The following HTR1F variants were observed in gnomAD, a reference collection of about 807,000 sequenced individuals.
HTR1F encodes 5-hydroxytryptamine receptor 1F.
Under a neutral mutation model 24.0 loss-of-function variants are expected in HTR1F, and 17 were observed. The observed-to-expected ratio is 0.71, with a 90% CI of 0.48 to 1.06. The LOEUF (loss-of-function observed/expected upper bound fraction) is 1.06. Ranked by LOEUF, HTR1F falls within the 50% of genes least tolerant of loss-of-function variation. HTR1F has a pLI of 0.00. For missense variants in HTR1F, 391 were observed against 427.8 expected (o/e 0.91, Z 0.76); for synonymous variants, 186 against 156.8 (o/e 1.19, Z -1.39).
intron 2 of HTR1F, among the ~76,000 whole-genome samples, chr3:87,898,124 G>C (rs1706242914): frequency 6.6e-6 from 1 of 152,118 alleles, no homozygotes. Context: ...GTAAGACAGA[G>C]TGGAAATCCC....
intron 2 of HTR1F, among the ~76,000 whole-genome samples, chr3:87,948,300 G>T (rs1704757177): frequency 6.6e-6 from 1 of 152,092 alleles, no homozygotes; most frequent in Non-Finnish European, 1.5e-5. Context: ...TAGCTATATA[G>T]TTAATTAGAA....
At position 87,822,299 on chromosome 3, in the gene HTR1F, T is replaced by C. The variant is rs979818452; in HGVS notation, c.-43+175T>C. Among the ~76,000 whole-genome samples the C allele has an allele frequency of 6.8e-4, 104 of 152,076 alleles. 3 individuals are homozygous for C. Among genetic ancestry groups the C allele is most frequent in the Non-Finnish European group, 3.2e-4 (22 of 68,010 alleles). On this transcript the variant is annotated intron_variant, in intron 2 of 2. Transcript: ENST00000319595. ...TGATCATTGGTTCACTAATGGCCAA[T>C]AGTGTTTCAAGGTGAAAGGAAGGAT...
chr3:87,820,175 A>ATT lies in HTR1F; in HGVS notation c.-159-1815_-159-1814dup, dbSNP rs1370534998. Among the ~76,000 whole-genome samples, 1,047 of 130,622 alleles carry ATT rather than the reference A, an allele frequency of 8.0e-3. 15 individuals are homozygous for ATT. The highest frequency in any genetic ancestry group is 0.018 in the African/African-American group (626 of 35,038). 85.7% of individuals were successfully genotyped at this position (130,622 alleles called of 152,430 possible). ...ACTTGGTTTCCTGGAATCATGACCC[A>ATT]TTTTTTTTTTTTTTTTTTTGAGACA... On this transcript the variant is annotated intron_variant, in intron 1 of 2. Coordinates refer to ENST00000319595, the MANE Select transcript of HTR1F (RefSeq NM_001322209.2).
chr3:87,951,831 C>T (rs775449662), intron 2 of HTR1F, among the ~76,000 whole-genome samples: 1 of 152,050 alleles, frequency 6.6e-6, no homozygotes, highest in African/African-American at 2.4e-5. Context: ...TCTGCCTGTT[C>T]ATCTCCTCCT....
Position 87,928,120 on chromosome 3 carries a change from A to C in HTR1F, c.-42-62588A>C, listed in dbSNP as rs533312537. Among the ~76,000 whole-genome samples, 5 of 149,178 alleles carry C rather than the reference A, an allele frequency of 3.4e-5. No individual in the cohort carries two copies. The East Asian group carries it at 9.9e-4, about 30-fold the overall frequency. ...GAGTGCAGTGGTGCAATCTCAGCTC[A>C]CTGCAACCTCTGCTTCCCAGGTTCA... On this transcript the variant is annotated intron_variant, in intron 2 of 2. Transcript: ENST00000319595.
At chr3:87,965,721 TATCC>T (rs1705150447) in intron 2 of HTR1F, among the ~76,000 whole-genome samples, 1 of 152,192 alleles carries the variant, frequency 6.6e-6, no homozygotes, top group African/African-American at 2.4e-5. Flanking sequence ...CCTGAGATTA[TATCC>T]ACAAAGCACT....
chr3:87,899,020 G>A (rs2107321363), intron 2 of HTR1F, among the ~76,000 whole-genome samples: 1 of 152,254 alleles, frequency 6.6e-6, no homozygotes, highest in South Asian at 2.1e-4. Context: ...GCAAAACACA[G>A]AATATATTAA....
intron 2 of HTR1F, among the ~76,000 whole-genome samples, chr3:87,887,350 T>TA (rs1705973645): frequency 6.6e-6 from 1 of 152,152 alleles, no homozygotes; most frequent in Non-Finnish European, 1.5e-5. Flanking sequence ...ACTTAAATGT[T>TA]AGACCTAAAA....
At chr3:87,918,432 C>A (rs1371251382) in intron 2 of HTR1F, among the ~76,000 whole-genome samples, 2 of 152,002 alleles carry the variant, frequency 1.3e-5, no homozygotes, top group African/African-American at 4.8e-5. Context: ...GGAAGTCAAA[C>A]TGTTGCTGTT....
intron 2 of HTR1F, among the ~76,000 whole-genome samples, chr3:87,884,490 C>T (rs998117356): frequency 2.0e-5 from 3 of 152,236 alleles, no homozygotes; most frequent in African/African-American, 7.2e-5. Context: ...ATCAAATACA[C>T]ACATAACAAG....
At chr3:87,851,488 T>C (rs1009682232) in intron 2 of HTR1F, among the ~76,000 whole-genome samples, 1 of 151,726 alleles carries the variant, frequency 6.6e-6, no homozygotes, top group Non-Finnish European at 1.5e-5. Context: ...ATATAGGGGC[T>C]TTATTAGCTT....
Position 87,990,835 on chromosome 3 carries a change from CTCTG to C in HTR1F, c.91_94del (p.Ser31GlyfsTer4). ...CCATCCAAAATTCTGGTGTCCCTCA[CTCTG>C]TCTGGGCTGGCACTGATGACAACAA... On this transcript the variant is annotated frameshift_variant, in exon 3 of 3. Transcript: ENST00000319595. LOFTEE classifies it high-confidence loss of function. 6.2e-7 allele frequency: 1 copy of C among 1,614,176 alleles called. No individual in the cohort carries two copies. Among genetic ancestry groups the C allele is most frequent in the Non-Finnish European group, 8.5e-7 (1 of 1,179,998 alleles).
chr3:87,986,624 A>G (rs1187046512), intron 2 of HTR1F, among the ~76,000 whole-genome samples: 1 of 152,210 alleles, frequency 6.6e-6, no homozygotes, highest in Non-Finnish European at 1.5e-5. Flanking sequence ...TTTATTATGG[A>G]AACCCACATA....
chr3:87,898,575 GA>G (rs1280284223), intron 2 of HTR1F, among the ~76,000 whole-genome samples: 1 of 151,908 alleles, frequency 6.6e-6, no homozygotes, highest in Non-Finnish European at 1.5e-5. Flanking sequence ...AGTTTAATTA[GA>G]AAAAATAATT....
At chr3:87,927,924 A>G (rs1362119031) in intron 2 of HTR1F, among the ~76,000 whole-genome samples, 2 of 152,140 alleles carry the variant, frequency 1.3e-5, no homozygotes, top group Non-Finnish European at 2.9e-5. Flanking sequence ...TTTTATATCA[A>G]TGGTAATCAA....
At chr3:87,928,326 C>T (rs538809028) in intron 2 of HTR1F, among the ~76,000 whole-genome samples, 14 of 152,120 alleles carry the variant, frequency 9.2e-5, no homozygotes, top group Admixed American at 7.9e-4. Flanking sequence ...ATTACAGGCA[C>T]GAGCCACCAC....
At chr3:87,858,636 T>G (rs1408665342) in intron 2 of HTR1F, among the ~76,000 whole-genome samples, 2 of 152,164 alleles carry the variant, frequency 1.3e-5, no homozygotes, top group African/African-American at 4.8e-5. Flanking sequence ...AAATTAATTT[T>G]ATCTGAAATA....
At chr3:87,988,733 TA>T (rs199689831) in intron 2 of HTR1F, among the ~76,000 whole-genome samples, 1,553 of 148,590 alleles carry the variant, frequency 0.01, 13 homozygotes, top group East Asian at 0.053. Flanking sequence ...CAAGCCCCAA[TA>T]ATTTTTTTTT....
chr3:87,884,619 G>C (rs1043855714), intron 2 of HTR1F, among the ~76,000 whole-genome samples: 10 of 152,086 alleles, frequency 6.6e-5, no homozygotes, highest in African/African-American at 2.4e-4. Flanking sequence ...CACATGCAGA[G>C]ACACACATAG....
Sources: allele counts gnomAD v4.1 joint callset (sites outside exome capture counted in the v4.1 genomes callset), GRCh38; gene constraint gnomAD v4.1.1; transcripts MANE v1.5; gene names NCBI Gene and HGNC (gene_info 2026-07-23, HGNC 2026-07-21).